Variants in PDE10A observed in about 807,000 individuals in gnomAD.
The protein encoded by PDE10A is cAMP and cAMP-inhibited cGMP 3',5'-cyclic phosphodiesterase 10A.
Under a neutral mutation model 97.7 loss-of-function variants are expected in PDE10A, and 39 were observed. The ratio of observed to expected loss-of-function variants is 0.40; its 90% CI spans 0.31 to 0.52. The LOEUF (loss-of-function observed/expected upper bound fraction) is 0.52, where lower values mean the gene tolerates loss of function less well. PDE10A is among the 20% of genes least tolerant of loss of function. The probability of loss-of-function intolerance (pLI) is 0.56; values close to 1 mark genes in which losing one functional copy is unlikely to be tolerated. For missense variants in PDE10A, 731 were observed against 1,047.8 expected (o/e 0.70, Z 4.17); for synonymous variants, 371 against 376.8 (o/e 0.98, Z 0.18).
rs573358825 is a variant in PDE10A at position 165,582,574 on chromosome 6, GA to G, written c.866-39007del. On this transcript the variant is annotated intron_variant, in intron 1 of 21. Coordinates refer to ENST00000539869, the MANE Select transcript of PDE10A (RefSeq NM_001385079.1). ...TTAAATTTAAGTGGAAGACTGTTAA[GA>G]AAAAAAAAACTGAATATAAAAATTT... Among the ~76,000 whole-genome samples the G allele has an allele frequency of 8.5e-5, 10 of 118,320 alleles. No individual in the cohort carries two copies. In the East Asian group the frequency reaches 1.2e-3, roughly 14 times the overall value. The allele number at this position is 118,320 out of a possible 152,430, so 77.6% of individuals were successfully genotyped here.
chr6:165,562,472 A>G (rs1205276081), intron 1 of PDE10A, among the ~76,000 whole-genome samples: 1 of 152,248 alleles, frequency 6.6e-6, no homozygotes, highest in Non-Finnish European at 1.5e-5. Flanking sequence ...AATCTAGAGA[A>G]TATCAAAAGA....
intron 1 of PDE10A, among the ~76,000 whole-genome samples, chr6:165,751,518 T>C (rs1013505331): frequency 1.3e-5 from 2 of 152,158 alleles, no homozygotes; most frequent in African/African-American, 4.8e-5. Flanking sequence ...AGGCACCTGA[T>C]TGGGAGCTGC....
rs752297980 is a variant in PDE10A, at chr6:165,695,051, G to A, written c.-614-151483C>T. 6.4e-4 allele frequency among the ~76,000 whole-genome samples: 98 copies of A among 152,060 alleles called. 1 individual carries two copies. Among genetic ancestry groups the A allele is most frequent in the African/African-American group, 2.0e-3 (85 of 41,502 alleles). ...CACATTTCTCTAACACATTTCCCCCGGAAGTAAACAATTTTCTATATAGAG... is the reference window on the plus strand; with the variant it reads ...CACATTTCTCTAACACATTTCCCCCAGAAGTAAACAATTTTCTATATAGAG... On this transcript the variant is annotated intron_variant, in intron 1 of 19. Coordinates refer to the PDE10A transcript ENST00000366882.
At chr6:165,976,572 A>T (rs1042937255) in intron 1 of PDE10A, among the ~76,000 whole-genome samples, 1 of 152,206 alleles carries the variant, frequency 6.6e-6, no homozygotes, top group Non-Finnish European at 1.5e-5. Flanking sequence ...CTAGAACCTG[A>T]GTCTTCCTGG....
At chr6:165,633,794 AT>A (rs11459316) in intron 1 of PDE10A, among the ~76,000 whole-genome samples, 8 of 146,792 alleles carry the variant, frequency 5.4e-5, no homozygotes, top group East Asian at 2.0e-4. Flanking sequence ...CGCCGGGCTA[AT>A]TTTTTTTTTT....
At chr6:165,472,497 T>G (rs564020177) in intron 3 of PDE10A, among the ~76,000 whole-genome samples, 5 of 152,148 alleles carry the variant, frequency 3.3e-5, no homozygotes, top group South Asian at 2.1e-4. Context: ...CATTAATTCA[T>G]CCCCTGTGCT....
chr6:165,711,631 T>C lies in PDE10A; in HGVS notation c.-614-168063A>G, dbSNP rs972639879. Among the ~76,000 whole-genome samples, 2 of 152,112 alleles carry C rather than the reference T, an allele frequency of 1.3e-5. No individual in the cohort carries two copies. Among genetic ancestry groups the C allele is most frequent in the East Asian group, 1.9e-4 (1 of 5,152 alleles). On this transcript the variant is annotated intron_variant, in intron 1 of 19. Coordinates refer to the PDE10A transcript ENST00000366882. The surrounding 1 kb of genome is among the most constrained non-coding windows in gnomAD (Gnocchi z 4.5). ...GTGTGTCTTGGTAGGGTCAATGAGA[T>C]GAAGGTAAGAGAAGAAACGAAGATG...
intron 1 of PDE10A, among the ~76,000 whole-genome samples, chr6:165,619,389 A>ATAGTGTAGTCTAGTGTACTG (rs1787945109): frequency 3.3e-4 from 1 of 3,064 alleles, no homozygotes. Context: ...GTAGTCTAGT[A>ATAGTGTAGTCTAGTGTACTG]TAGTGTAGTG....
rs542642546 is a variant in PDE10A, at chr6:165,777,067, C to T, written c.-615+210462G>A. On this transcript the variant is annotated intron_variant, in intron 1 of 19. Transcript: ENST00000366882. ...AGGAGAATCTGGCCCTGCTTCCCTGCGATCTTCAAAGCCAGTATTAATACC... is the reference window on the plus strand; with the variant it reads ...AGGAGAATCTGGCCCTGCTTCCCTGTGATCTTCAAAGCCAGTATTAATACC... Among the ~76,000 whole-genome samples, 12 of 152,242 alleles carry T rather than the reference C, an allele frequency of 7.9e-5. No homozygotes were observed. The East Asian group carries it at 1.7e-3, about 22-fold the overall frequency.
chr6:165,840,295 T>A (rs1202291757), intron 1 of PDE10A, among the ~76,000 whole-genome samples: 1 of 148,264 alleles, frequency 6.7e-6, no homozygotes, highest in Non-Finnish European at 1.5e-5. Flanking sequence ...CCAGGCAAAC[T>A]GGAGCGGGTT....
chr6:165,543,607 A>T, intron 1 of PDE10A, 39 bp from the exon 2 acceptor site: 1 of 1,515,252 alleles, frequency 6.6e-7, no homozygotes, highest in Non-Finnish European at 9.1e-7. Context: ...CACCTATACA[A>T]CATCCTCATA....
intron 21 of PDE10A, among the ~76,000 whole-genome samples, chr6:165,333,728 T>A (rs1781477461): frequency 6.6e-6 from 1 of 152,228 alleles, no homozygotes; most frequent in South Asian, 2.1e-4. Context: ...TCTCGAGTCC[T>A]CTAATCTTTC....
In PDE10A at chr6:165,433,163, A is replaced by G. The variant is rs372110483; in HGVS notation, c.1336-34T>C. 2.6e-6 allele frequency: 4 copies of G among 1,540,006 alleles called. No individual in the cohort carries two copies. The African/African-American group carries it at 5.5e-5, about 21-fold the overall frequency. ...CAAAAAGACAAAAAGACATAAATTC[A>G]GTGAAATGATCATTAAGTGATGATT... On this transcript the variant is annotated intron_variant, in intron 6 of 21. Coordinates refer to ENST00000539869, the MANE Select transcript of PDE10A (RefSeq NM_001385079.1).
chr6:165,623,793 C>T (rs12525763), intron 1 of PDE10A, among the ~76,000 whole-genome samples: 17,121 of 152,116 alleles, frequency 0.11, 975 homozygotes, highest in African/African-American at 0.14. Context: ...TTCCTGACCC[C>T]AATCATGAAT....
chr6:165,571,172 T>C (rs1413310606), intron 1 of PDE10A, among the ~76,000 whole-genome samples: 1 of 152,224 alleles, frequency 6.6e-6, no homozygotes, highest in East Asian at 1.9e-4. Context: ...TCTACGACAC[T>C]TATATGACAC....
At chr6:165,733,952 C>A (rs1792501532) in intron 1 of PDE10A, among the ~76,000 whole-genome samples, 1 of 152,112 alleles carries the variant, frequency 6.6e-6, no homozygotes, top group Admixed American at 6.5e-5. Context: ...TGTGACATCC[C>A]TACACTCAGA....
chr6:165,479,600 G>A (rs1056948585), intron 3 of PDE10A, among the ~76,000 whole-genome samples: 2 of 152,152 alleles, frequency 1.3e-5, no homozygotes, highest in Admixed American at 6.6e-5. Flanking sequence ...ATTCATCATA[G>A]TATTTATCAC....
chr6:165,691,693 C>T (rs1470261353), intron 1 of PDE10A, among the ~76,000 whole-genome samples: 2 of 152,180 alleles, frequency 1.3e-5, no homozygotes, highest in Non-Finnish European at 2.9e-5. Flanking sequence ...TGCCTCAGTG[C>T]AGATGTCCTC....
chr6:165,413,403 A>T (rs1788050122), intron 13 of PDE10A, 98 bp downstream of exon 13: 1 of 690,828 alleles, frequency 1.4e-6, no homozygotes, highest in African/African-American at 2.8e-5. Flanking sequence ...TGTAAAGGAA[A>T]TATAAATGAA....
Sources: gnomAD v4.1 joint callset for allele counts (sites outside exome capture counted in the v4.1 genomes callset) on GRCh38, gnomAD v4.1.1 for gene constraint, Gnocchi (gnomAD v3.1) non-coding constraint, MANE v1.5 for transcripts, NCBI Gene and HGNC (gene_info 2026-07-23, HGNC 2026-07-21) for gene names.